DPY19L2: variants seen among roughly 807,000 people sequenced by gnomAD.
The protein encoded by DPY19L2 is probable C-mannosyltransferase DPY19L2.
Under a neutral mutation model 97.9 loss-of-function variants are expected in DPY19L2, and 34 were observed. That is an observed-to-expected ratio of 0.35 (90% confidence interval 0.26 to 0.46). The LOEUF (loss-of-function observed/expected upper bound fraction) is 0.46, where lower values mean the gene tolerates loss of function less well. Among genes scored for constraint, DPY19L2 ranks in the 20% least tolerant of loss-of-function variants. DPY19L2 has a pLI of 1.00. For missense variants in DPY19L2, 623 were observed against 911.4 expected, an observed-to-expected ratio of 0.68 and a Z score of 4.07; for synonymous variants, 230 against 307.9, an observed-to-expected ratio of 0.75 and a Z score of 2.65.
At chr12:63,630,124 A>C (rs1890325170) in intron 6 of DPY19L2, among the ~76,000 whole-genome samples, 1 of 152,192 alleles carries the variant, frequency 6.6e-6, no homozygotes, top group African/African-American at 2.4e-5. Flanking sequence ...GCCAAATTGT[A>C]AAGACCATCA....
chr12:63,626,107 A>C (rs112511205), intron 7 of DPY19L2, among the ~76,000 whole-genome samples: 1 of 151,326 alleles, frequency 6.6e-6, no homozygotes. Context: ...ACTTTCTCTA[A>C]ATTTAAATTT....
chr12:63,628,144 A>G (rs1188921314), intron 6 of DPY19L2, among the ~76,000 whole-genome samples: 1 of 152,104 alleles, frequency 6.6e-6, no homozygotes, highest in Non-Finnish European at 1.5e-5. Flanking sequence ...CATGAGCGAC[A>G]CAGAGGACGG....
intron 12 of DPY19L2, among the ~76,000 whole-genome samples, chr12:63,602,727 C>A (rs1266947245): frequency 6.6e-6 from 1 of 151,982 alleles, no homozygotes; most frequent in Admixed American, 6.5e-5. Flanking sequence ...ACATACAAAC[C>A]AAAGCAGTGG....
chr12:63,629,073 C>T (rs1025052519), intron 6 of DPY19L2, among the ~76,000 whole-genome samples: 1 of 152,144 alleles, frequency 6.6e-6, no homozygotes, highest in South Asian at 2.1e-4. Flanking sequence ...TGTACGTCAC[C>T]ATCATCAAAG....
intron 8 of DPY19L2, among the ~76,000 whole-genome samples, chr12:63,622,411 C>T (rs1888838518): frequency 6.6e-6 from 1 of 152,126 alleles, no homozygotes; most frequent in African/African-American, 2.4e-5. Flanking sequence ...GGAGGAGGTT[C>T]CTAAATCCAA....
chr12:63,606,358 C>T (rs1369230574), intron 12 of DPY19L2, among the ~76,000 whole-genome samples: 2 of 151,978 alleles, frequency 1.3e-5, no homozygotes, highest in Non-Finnish European at 2.9e-5. Flanking sequence ...ACCTTATTAT[C>T]GGTAAGACTA....
chr12:63,629,726 A>G (rs1266628833), intron 6 of DPY19L2, among the ~76,000 whole-genome samples: 2 of 152,106 alleles, frequency 1.3e-5, no homozygotes, highest in African/African-American at 4.8e-5. Flanking sequence ...CGCCACAAAG[A>G]TACTCCTCGA....
intron 2 of DPY19L2, among the ~76,000 whole-genome samples, chr12:63,664,941 C>A (rs10784366): frequency 6.6e-6 from 1 of 151,832 alleles, no homozygotes; most frequent in Non-Finnish European, 1.5e-5. Flanking sequence ...CAATAGAACA[C>A]AGGGGCAGAT....
In DPY19L2 at chr12:63,668,336, T is replaced by C; in HGVS notation, c.58A>G (p.Lys20Glu). Residue 20 changes from lysine (K) to glutamate (E), a missense_variant, in exon 1 of 22, where the codon AAG (lysine) becomes GAG (glutamate). Lys to Glu is a moderately conservative substitution (Grantham distance 56). Coordinates refer to ENST00000324472, the MANE Select transcript of DPY19L2 (RefSeq NM_173812.5). ...RLQSSGRSQSKGRRGASLARE... is the reference protein window; with the variant it reads ...RLQSSGRSQSEGRRGASLARE... ...GCGAGGGAGGCCCCGCGCCGCCCCT[T>C]AGACTGGCTGCGGCCGGAAGATTGC... 6.2e-7 allele frequency: 1 copy of C among 1,613,750 alleles called. No homozygotes were observed. The highest frequency in any genetic ancestry group is 8.5e-7 in the Non-Finnish European group (1 of 1,179,908).
rs1449291852 is a variant in DPY19L2, at chr12:63,635,958, C to T, written c.803+8445G>A. On this transcript the variant is annotated intron_variant, in intron 6 of 21. Transcript: ENST00000324472. ...CAAAGATACTCCTCAAGAAGAGCAA[C>T]CCCAAGACACATAATTGTCAGATTC... is the stretch of plus-strand genomic sequence containing the variant. 2.6e-5 allele frequency among the ~76,000 whole-genome samples: 4 copies of T among 152,006 alleles called. No individual in the cohort carries two copies. The East Asian group carries it at 7.7e-4, about 29-fold the overall frequency.
At chr12:63,581,903 C>A (rs543317554) in intron 18 of DPY19L2, among the ~76,000 whole-genome samples, 1 of 151,698 alleles carries the variant, frequency 6.6e-6, no homozygotes, top group South Asian at 2.1e-4. Context: ...CAGGTTCAAG[C>A]AATTCTCCTG....
At chr12:63,577,758 T>C (rs1016939000) in intron 19 of DPY19L2, among the ~76,000 whole-genome samples, 8 of 152,090 alleles carry the variant, frequency 5.3e-5, no homozygotes, top group Admixed American at 3.9e-4. Flanking sequence ...ATGGCTATTA[T>C]TCAAAAGACA....
At chr12:63,582,638 A>G (rs1378729988) in intron 17 of DPY19L2, 113 bp from the exon 18 acceptor site, 3 of 1,154,724 alleles carry the variant, frequency 2.6e-6, no homozygotes, top group Non-Finnish European at 2.4e-6. Context: ...ACTTAGTAAT[A>G]AGCCTATCAG....
chr12:63,649,918 C>G (rs1893957464), intron 4 of DPY19L2, among the ~76,000 whole-genome samples: 1 of 152,028 alleles, frequency 6.6e-6, no homozygotes, highest in South Asian at 2.1e-4. Context: ...ATGCAAAATC[C>G]TCAACAAAAT....
intron 6 of DPY19L2, among the ~76,000 whole-genome samples, chr12:63,639,111 C>A (rs1453088489): frequency 6.6e-6 from 1 of 152,102 alleles, no homozygotes; most frequent in African/African-American, 2.4e-5. Flanking sequence ...GGAAAGGATT[C>A]CCTATTTAAT....
At chr12:63,561,876 C>T (rs1876588208) in intron 21 of DPY19L2, among the ~76,000 whole-genome samples, 1 of 152,144 alleles carries the variant, frequency 6.6e-6, no homozygotes, top group Non-Finnish European at 1.5e-5. Context: ...AAACTCTTTT[C>T]CAGAGTAGAT....
chr12:63,646,784 G>C (rs397843065), intron 5 of DPY19L2, among the ~76,000 whole-genome samples: 1 of 152,076 alleles, frequency 6.6e-6, no homozygotes, highest in Non-Finnish European at 1.5e-5. Context: ...TTTATTAATA[G>C]TACTCATGGA....
intron 11 of DPY19L2, among the ~76,000 whole-genome samples, chr12:63,612,557 C>CA (rs1256929565): frequency 1.6e-5 from 2 of 121,746 alleles, no homozygotes; most frequent in South Asian, 2.5e-4. Context: ...TGTTTAAAAA[C>CA]AAAAAACAAG....
At chr12:63,562,789 C>T (rs941477378) in intron 21 of DPY19L2, among the ~76,000 whole-genome samples, 3 of 136,810 alleles carry the variant, frequency 2.2e-5, no homozygotes, top group Non-Finnish European at 3.0e-5. Context: ...TGCCATCTGT[C>T]CTTTTGTCCT....
Sources: allele counts gnomAD v4.1 joint callset (sites outside exome capture counted in the v4.1 genomes callset), GRCh38; gene constraint gnomAD v4.1.1; transcripts MANE v1.5; gene names NCBI Gene and HGNC (gene_info 2026-07-23, HGNC 2026-07-21).